The following PCCA variants were observed in gnomAD, a reference collection of about 807,000 sequenced individuals.
PCCA encodes propionyl-CoA carboxylase subunit alpha.
A neutral mutation model predicts 101.3 loss-of-function variants in PCCA; 74 were observed. The ratio of observed to expected loss-of-function variants is 0.73; its 90% confidence interval spans 0.61 to 0.89. The LOEUF (loss-of-function observed/expected upper bound fraction) is 0.89, where lower values mean the gene tolerates loss of function less well. Ranked by LOEUF, PCCA falls within the 40% of genes least tolerant of loss-of-function variation. The pLI, the probability that PCCA is intolerant of heterozygous loss-of-function variation, is 0.00. For synonymous variants in PCCA, 294 were observed against 313.6 expected, an observed-to-expected ratio of 0.94 and a Z score of 0.66; for missense variants, 891 against 907.0, an observed-to-expected ratio of 0.98 and a Z score of 0.23.
chr13:100,307,480 C>T (rs1213454754), intron 15 of PCCA, among the ~76,000 whole-genome samples: 1 of 152,112 alleles, frequency 6.6e-6, no homozygotes, highest in Non-Finnish European at 1.5e-5. Context: ...CATGCCACAC[C>T]ATCACACACA....
At chr13:100,277,622 C>T (rs2063759499) in intron 12 of PCCA, among the ~76,000 whole-genome samples, 2 of 152,214 alleles carry the variant, frequency 1.3e-5, no homozygotes, top group Non-Finnish European at 2.9e-5. Context: ...AGTGGAATGA[C>T]AGTCTGTGCC....
chr13:100,150,132 A>G (rs1353535005), intron 4 of PCCA, among the ~76,000 whole-genome samples: 2 of 148,642 alleles, frequency 1.3e-5, no homozygotes, highest in African/African-American at 2.5e-5. Context: ...AGGTTCAGCA[A>G]TTCTCCTGCC....
At chr13:100,478,607 G>C (rs970585342) in intron 21 of PCCA, among the ~76,000 whole-genome samples, 6 of 152,186 alleles carry the variant, frequency 3.9e-5, no homozygotes, top group African/African-American at 9.7e-5. Context: ...TCGACGCCAT[G>C]ATGAGGAGGA....
At chr13:100,323,891 C>T (rs2068347920) in intron 16 of PCCA, among the ~76,000 whole-genome samples, 2 of 152,148 alleles carry the variant, frequency 1.3e-5, no homozygotes, top group African/African-American at 4.8e-5. Flanking sequence ...GGTTAACTAA[C>T]TTACCTAAGG....
chr13:100,384,862 A>G (rs954209140), intron 19 of PCCA, among the ~76,000 whole-genome samples: 2 of 152,194 alleles, frequency 1.3e-5, no homozygotes, highest in African/African-American at 2.4e-5. Flanking sequence ...AGAATACTAC[A>G]GTACCATTAG....
At chr13:100,186,490 C>T (rs1228457557) in intron 6 of PCCA, among the ~76,000 whole-genome samples, 1 of 151,900 alleles carries the variant, frequency 6.6e-6, no homozygotes. Flanking sequence ...TGCCTGTAAT[C>T]CAGCACTCTG....
At chr13:100,341,773 T>C (rs2071353598) in intron 18 of PCCA, among the ~76,000 whole-genome samples, 1 of 152,022 alleles carries the variant, frequency 6.6e-6, no homozygotes, top group Non-Finnish European at 1.5e-5. Context: ...ATTTCAGAAG[T>C]TCTGAGTGTA....
intron 19 of PCCA, among the ~76,000 whole-genome samples, chr13:100,391,840 A>T (rs543055080): frequency 1.3e-5 from 2 of 152,126 alleles, no homozygotes; most frequent in Non-Finnish European, 2.9e-5. Flanking sequence ...ATACATTAAC[A>T]TCATATTTTC....
rs201631530 is a variant in PCCA at position 100,209,559 on chromosome 13, T to C, written c.600+96T>C. On this transcript the variant is annotated intron_variant, in intron 7 of 23. Coordinates refer to ENST00000376285, the MANE Select transcript of PCCA (RefSeq NM_000282.4). ...ATGTAACTATTGCTTTTTTGGGATATACACACACACACACACATATGCACG... is the reference window on the plus strand; with the variant it reads ...ATGTAACTATTGCTTTTTTGGGATACACACACACACACACACATATGCACG... 3,860 of 799,054 alleles carry C rather than the reference T, an allele frequency of 4.8e-3. 20 individuals carry two copies. The highest frequency in any genetic ancestry group is 6.5e-3 in the South Asian group (446 of 68,532). 49.5% of individuals were successfully genotyped at this position (799,054 alleles called of 1,614,324 possible). A position where few individuals can be genotyped will look rare whatever the true frequency, so the allele number is the denominator to read the frequency against.
intron 21 of PCCA, among the ~76,000 whole-genome samples, chr13:100,460,483 A>G (rs2082096527): frequency 6.6e-6 from 1 of 152,192 alleles, no homozygotes; most frequent in Admixed American, 6.5e-5. Flanking sequence ...ATTGGCATTC[A>G]CCCAAGGACT....
chr13:100,354,270 C>G (rs1052679978), intron 18 of PCCA, among the ~76,000 whole-genome samples: 2 of 144,784 alleles, frequency 1.4e-5, no homozygotes, highest in Non-Finnish European at 3.0e-5. Context: ...CAGAGTGAGA[C>G]CCTGTTGAAA....
Position 100,179,455 on chromosome 13 carries a change from AT to A in PCCA, c.468+22116del, listed in dbSNP as rs2056574683. Among the ~76,000 whole-genome samples, 7 of 152,092 alleles carry A rather than the reference AT, an allele frequency of 4.6e-5. No homozygotes were observed. In the South Asian group the frequency reaches 1.4e-3, roughly 31 times the overall value. The stretch of plus-strand genomic sequence containing the variant: ...TTTTTTGCCCTTCAATGCTGTCGTG[AT>A]CTTTTAGGGAAGTGAGGTCATGGTA... On this transcript the variant is annotated intron_variant, in intron 6 of 23. Coordinates refer to ENST00000376285, the MANE Select transcript of PCCA (RefSeq NM_000282.4).
intron 20 of PCCA, among the ~76,000 whole-genome samples, chr13:100,442,882 G>C (rs945314188): frequency 6.6e-6 from 1 of 152,130 alleles, no homozygotes; most frequent in Non-Finnish European, 1.5e-5. Flanking sequence ...TAGCAGAAGG[G>C]GCAAAGCAGA....
chr13:100,341,979 A>ATATATATATATATATATATATG lies in PCCA; in HGVS notation c.1643+1723_1643+1724insATATATATATATATATATGTAT, dbSNP rs966272516. ...AAAGTATATATATATATATATATATATATGTATTTATGTGTGTGTATATAT... is the reference window on the plus strand; with the variant it reads ...AAAGTATATATATATATATATATATATATATATATATATATATATATGTATGTATTTATGTGTGTGTATATAT... On this transcript the variant is annotated intron_variant, in intron 18 of 23. Transcript: ENST00000376285. Among the ~76,000 whole-genome samples, 118 of 114,460 alleles carry ATATATATATATATATATATATG rather than the reference A, an allele frequency of 1.0e-3. 1 individual carries two copies. Among genetic ancestry groups the ATATATATATATATATATATATG allele is most frequent in the East Asian group, 5.1e-3 (22 of 4,336 alleles). The allele number at this position is 114,460 out of a possible 152,430, so 75.1% of individuals were successfully genotyped here. A position where few individuals can be genotyped will look rare whatever the true frequency, so the allele number is the denominator to read the frequency against.
chr13:100,317,099 A>AACTT (rs1286082005), intron 16 of PCCA, among the ~76,000 whole-genome samples: 2 of 152,180 alleles, frequency 1.3e-5, no homozygotes, highest in Non-Finnish European at 2.9e-5. Flanking sequence ...ACTGCCTGCT[A>AACTT]ACTTACTTAC....
At chr13:100,509,600 T>C (rs1190124938) in intron 21 of PCCA, among the ~76,000 whole-genome samples, 1 of 152,220 alleles carries the variant, frequency 6.6e-6, no homozygotes, top group African/African-American at 2.4e-5. Flanking sequence ...TTGCTTCTGT[T>C]TATTTTTTAT....
intron 19 of PCCA, among the ~76,000 whole-genome samples, chr13:100,400,622 T>TTG (rs2077285803): frequency 8.0e-6 from 1 of 124,894 alleles, no homozygotes; most frequent in Non-Finnish European, 1.7e-5. Context: ...TCTTAGTTCT[T>TTG]TTTAGTTCTT....
intron 19 of PCCA, among the ~76,000 whole-genome samples, chr13:100,414,316 A>G (rs561048227): frequency 3.1e-4 from 47 of 152,218 alleles, no homozygotes; most frequent in Non-Finnish European, 5.1e-4. Context: ...TTTTGTTTGT[A>G]TAAAACAACC....
chr13:100,119,172 T>A (rs1463925544), intron 4 of PCCA, among the ~76,000 whole-genome samples: 1 of 152,188 alleles, frequency 6.6e-6, no homozygotes, highest in African/African-American at 2.4e-5. Flanking sequence ...TGCCTGTTTT[T>A]ATGTATTATC....
Sources: allele counts gnomAD v4.1 joint callset (sites outside exome capture counted in the v4.1 genomes callset), GRCh38; gene constraint gnomAD v4.1.1; transcripts MANE v1.5; gene names NCBI Gene and HGNC (gene_info 2026-07-23, HGNC 2026-07-21).